DIAPH2: variants seen among roughly 807,000 people sequenced by gnomAD.
DIAPH2 encodes the protein protein diaphanous homolog 2.
In DIAPH2, 35 loss-of-function variants were observed where a neutral mutation model predicts 92.7. That is an observed-to-expected ratio of 0.38 (90% CI 0.29 to 0.50). The LOEUF (loss-of-function observed/expected upper bound fraction) is 0.50, where lower values mean the gene tolerates loss of function less well. DIAPH2 is among the 20% of genes least tolerant of loss of function. The pLI is 0.94. For synonymous variants in DIAPH2, 301 were observed against 280.4 expected (o/e 1.07, Z -0.73); for missense variants, 701 against 819.5 (o/e 0.86, Z 1.77).
chrX:97,493,369 C>G (rs1436800688), intron 26 of DIAPH2, among the ~76,000 whole-genome samples: 2 of 111,125 alleles, frequency 1.8e-5, no homozygotes, highest in African/African-American at 6.5e-5. Context: ...TCAAGCTATT[C>G]TCCTGCCTCA....
intron 17 of DIAPH2, among the ~76,000 whole-genome samples, chrX:96,966,182 A>G (rs1196176757): frequency 9.0e-6 from 1 of 111,598 alleles, no homozygotes; most frequent in African/African-American, 3.3e-5. Flanking sequence ...TGCACACACA[A>G]ATCTGGGGTG....
At chrX:97,002,400 C>T (rs2066150961) in intron 17 of DIAPH2, among the ~76,000 whole-genome samples, 1 of 111,177 alleles carries the variant, frequency 9.0e-6, no homozygotes, top group African/African-American at 3.3e-5. Flanking sequence ...ATTTCATTTA[C>T]TGTTGTGACA....
intron 20 of DIAPH2, among the ~76,000 whole-genome samples, chrX:97,103,570 C>A (rs970833667): frequency 4.5e-5 from 5 of 111,940 alleles, no homozygotes; most frequent in African/African-American, 1.6e-4. Context: ...ATCACCACCA[C>A]CTTAGCCCAA....
intron 24 of DIAPH2, among the ~76,000 whole-genome samples, chrX:97,373,953 A>G (rs755986292): frequency 9.0e-6 from 1 of 111,112 alleles, no homozygotes; most frequent in South Asian, 3.9e-4. Flanking sequence ...ATGAGGAGCG[A>G]GGGAGACCAG....
intron 24 of DIAPH2, among the ~76,000 whole-genome samples, chrX:97,377,672 G>T (rs1255555858): frequency 9.0e-6 from 1 of 111,623 alleles, no homozygotes; most frequent in Non-Finnish European, 1.9e-5. Flanking sequence ...AGCCCTTCAA[G>T]GCCATCCTGT....
At chrX:96,722,950 T>C (rs1354064309) in intron 1 of DIAPH2, among the ~76,000 whole-genome samples, 1 of 112,069 alleles carries the variant, frequency 8.9e-6, no homozygotes, top group East Asian at 2.8e-4. Context: ...TCATATTCAG[T>C]TATGTTTGTA....
intron 4 of DIAPH2, among the ~76,000 whole-genome samples, chrX:96,829,789 C>T (rs1199822081): frequency 2.7e-5 from 3 of 111,115 alleles, no homozygotes; most frequent in Non-Finnish European, 5.7e-5. Flanking sequence ...GCTACCATGC[C>T]AGGCCTAAAT....
intron 4 of DIAPH2, among the ~76,000 whole-genome samples, chrX:96,815,815 C>T (rs1453929527): frequency 9.0e-6 from 1 of 111,443 alleles, no homozygotes; most frequent in Non-Finnish European, 1.9e-5. Context: ...CAGGTGCACG[C>T]TGCCACATCC....
chrX:97,159,315 CTTATG>C (rs2067347736), intron 22 of DIAPH2, among the ~76,000 whole-genome samples: 1 of 112,029 alleles, frequency 8.9e-6, no homozygotes, highest in South Asian at 3.7e-4. Flanking sequence ...TATATTACTT[CTTATG>C]TTATGAAATA....
At chrX:97,214,141 G>C (rs1270582631) in intron 22 of DIAPH2, among the ~76,000 whole-genome samples, 1 of 112,468 alleles carries the variant, frequency 8.9e-6, no homozygotes, top group Non-Finnish European at 1.9e-5. Flanking sequence ...GCTGCTACTT[G>C]ATAACTTGAA....
At chrX:97,321,878 G>A (rs894572862) in intron 23 of DIAPH2, among the ~76,000 whole-genome samples, 19 of 112,076 alleles carry the variant, frequency 1.7e-4, no homozygotes, top group African/African-American at 6.2e-4. Flanking sequence ...CTATTTGCCA[G>A]ATCTTTAAAG....
Position 96,690,032 on chromosome X carries a change from C to A in DIAPH2, c.132+4842C>A, listed in dbSNP as rs953312017. ...TATGTACTCCATCAATTGAACCTAT[C>A]CATACATTCCTCTTTGTCTTTTCTC... On this transcript the variant is annotated intron_variant, in intron 1 of 26. Transcript: ENST00000324765. Among the ~76,000 whole-genome samples, 7 of 109,070 alleles carry A rather than the reference C, an allele frequency of 6.4e-5. No homozygotes were observed. The East Asian group carries it at 1.1e-3, about 18-fold the overall frequency. The allele number at this position is 109,070 out of a possible 115,157, so 94.7% of individuals were successfully genotyped here.
chrX:96,696,341 T>C (rs1472221370), intron 1 of DIAPH2, among the ~76,000 whole-genome samples: 1 of 112,469 alleles, frequency 8.9e-6, no homozygotes. Flanking sequence ...ATTTTTCTTC[T>C]CTCTGGGTGT....
intron 26 of DIAPH2, among the ~76,000 whole-genome samples, chrX:97,440,594 C>CAAAAA (rs775916074): frequency 4.8e-4 from 19 of 39,271 alleles, no homozygotes; most frequent in East Asian, 9.0e-4. Flanking sequence ...CTTCGTCTCA[C>CAAAAA]AAAAAAAAAA....
chrX:97,587,313 A>G (rs2071485730), intron 26 of DIAPH2, among the ~76,000 whole-genome samples: 1 of 110,852 alleles, frequency 9.0e-6, no homozygotes, highest in Non-Finnish European at 1.9e-5. Flanking sequence ...GTTTTGCTAG[A>G]TGCATCATTC....
At chrX:97,423,737 TTTAGTGGCTAAAAGCA>T (rs1186258257) in intron 25 of DIAPH2, among the ~76,000 whole-genome samples, 1 of 112,129 alleles carries the variant, frequency 8.9e-6, no homozygotes, top group African/African-American at 3.2e-5. Context: ...AAGTTATTAT[TTTAGTGGCTAAAAGCA>T]TTACAAAATT....
intron 4 of DIAPH2, among the ~76,000 whole-genome samples, chrX:96,878,385 C>T (rs932587880): frequency 9.0e-6 from 1 of 111,603 alleles, no homozygotes; most frequent in African/African-American, 3.3e-5. Context: ...TACTTGGATT[C>T]CTCATTTTTG....
Position 96,776,577 on chromosome X carries a change from A to G in DIAPH2, c.447+18319A>G, listed in dbSNP as rs948389421. On this transcript the variant is annotated intron_variant, in intron 4 of 26. Coordinates refer to ENST00000324765, the MANE Select transcript of DIAPH2 (RefSeq NM_006729.5). ...ATATATACTGTATAAATATTATTAA[A>G]TTAAATATTATTATATATAGTATAT... Among the ~76,000 whole-genome samples, 3 of 108,132 alleles carry G rather than the reference A, an allele frequency of 2.8e-5. No individual in the cohort carries two copies. In the Admixed American group the frequency reaches 3.0e-4, roughly 11 times the overall value. 93.9% of individuals were successfully genotyped at this position (108,132 alleles called of 115,157 possible). A position where few individuals can be genotyped will look rare whatever the true frequency, so the allele number is the denominator to read the frequency against.
rs956027114 is a variant in DIAPH2, at chrX:97,599,448, G to A, written c.*131G>A. The A allele has an allele frequency of 3.9e-5, 15 of 382,173 alleles. No individual in the cohort carries two copies. The highest frequency in any genetic ancestry group is 1.1e-3 in the Middle Eastern group (2 of 1,901). 31.5% of individuals were successfully genotyped at this position (382,173 alleles called of 1,213,427 possible). A position where few individuals can be genotyped will look rare whatever the true frequency, so the allele number is the denominator to read the frequency against. ...CTGCAAAGATCAAGATAAGCTGGATGAAGTAGTGTGCATTTGTAATACTAT... is the reference window on the plus strand; with the variant it reads ...CTGCAAAGATCAAGATAAGCTGGATAAAGTAGTGTGCATTTGTAATACTAT... On this transcript the variant is annotated 3_prime_UTR_variant, in exon 27 of 27. Coordinates refer to ENST00000324765, the MANE Select transcript of DIAPH2 (RefSeq NM_006729.5).
Sources: allele counts gnomAD v4.1 joint callset (sites outside exome capture counted in the v4.1 genomes callset), GRCh38; gene constraint gnomAD v4.1.1; transcripts MANE v1.5; gene names NCBI Gene and HGNC (gene_info 2026-07-23, HGNC 2026-07-21).